Variants in SLC22A9 observed in about 807,000 individuals in gnomAD.
SLC22A9 encodes the protein solute carrier family 22 member 9, also known as organic anion transporter 7.
In SLC22A9, 64 loss-of-function variants were observed where a neutral mutation model predicts 50.1. The ratio of observed to expected loss-of-function variants is 1.28; its 90% CI spans 1.04 to 1.57. The LOEUF is 1.57. Among genes scored for constraint, SLC22A9 ranks in the 40% most tolerant of loss-of-function variants. The pLI is 0.00. For synonymous variants in SLC22A9, 261 were observed against 242.5 expected, an observed-to-expected ratio of 1.08 and a Z score of -0.71; for missense variants, 757 against 676.1, an observed-to-expected ratio of 1.12 and a Z score of -1.33.
At chr11:63,380,385 A>G (rs981774123) in intron 5 of SLC22A9, among the ~76,000 whole-genome samples, 37 of 152,190 alleles carry the variant, frequency 2.4e-4, no homozygotes, top group African/African-American at 8.4e-4. Flanking sequence ...GCACATGCAT[A>G]TGTAGGTTCA....
chr11:63,380,993 T>C (rs375341968), intron 5 of SLC22A9, among the ~76,000 whole-genome samples: 3 of 152,148 alleles, frequency 2.0e-5, no homozygotes, highest in East Asian at 1.9e-4. Flanking sequence ...TGAAATGCAA[T>C]TGAAGCTTGG....
chr11:63,396,432 T>C (rs569173873), intron 6 of SLC22A9, among the ~76,000 whole-genome samples: 1 of 152,238 alleles, frequency 6.6e-6, no homozygotes, highest in East Asian at 1.9e-4. Flanking sequence ...CCAGGTAAGG[T>C]CAGAAACTTC....
intron 7 of SLC22A9, 53 bp downstream of exon 7, chr11:63,406,764 G>T (rs1016985235): frequency 7.9e-5 from 124 of 1,567,274 alleles, no homozygotes; most frequent in Non-Finnish European, 9.4e-5. Context: ...CTTTTCTCAG[G>T]GATTGTACTT....
intron 6 of SLC22A9, among the ~76,000 whole-genome samples, chr11:63,397,985 T>C (rs1336295566): frequency 6.6e-6 from 1 of 152,154 alleles, no homozygotes; most frequent in Non-Finnish European, 1.5e-5. Flanking sequence ...GCTGGAAATA[T>C]GCCAGGTCCC....
intron 6 of SLC22A9, among the ~76,000 whole-genome samples, chr11:63,400,586 AT>A (rs2014935891): frequency 6.6e-6 from 1 of 152,138 alleles, no homozygotes; most frequent in Non-Finnish European, 1.5e-5. Context: ...TCTACCAAAC[AT>A]TTAAAGAACT....
At chr11:63,386,807 GTGT>G (rs999557348) in intron 6 of SLC22A9, among the ~76,000 whole-genome samples, 14 of 151,320 alleles carry the variant, frequency 9.3e-5, no homozygotes, top group East Asian at 3.9e-4. Flanking sequence ...GAAGGGTTTT[GTGT>G]TGTTGTTGTT....
Position 63,409,917 on chromosome 11 carries a change from A to T in SLC22A9, c.*55A>T. The T allele has an allele frequency of 6.3e-7, 1 of 1,592,182 alleles. No homozygotes were observed. Among genetic ancestry groups the T allele is most frequent in the Non-Finnish European group, 8.6e-7 (1 of 1,161,034 alleles). ...GAGCCAGATGAAGGGAACAATCAGG[A>T]CTATTCCTAGACACTAGCAAAATCT... On this transcript the variant is annotated 3_prime_UTR_variant, in exon 10 of 10. Coordinates refer to ENST00000279178, the MANE Select transcript of SLC22A9 (RefSeq NM_080866.3).
intron 6 of SLC22A9, among the ~76,000 whole-genome samples, chr11:63,385,754 CT>C (rs2014653472): frequency 6.6e-6 from 1 of 152,090 alleles, no homozygotes; most frequent in African/African-American, 2.4e-5. Context: ...GACAACTTGA[CT>C]TCCTCTCTTC....
At position 63,370,592 on chromosome 11, in the gene SLC22A9, CT is replaced by C. The variant is rs1264315836; in HGVS notation, c.402+137del. On this transcript the variant is annotated intron_variant, in intron 1 of 9. Coordinates refer to ENST00000279178, the MANE Select transcript of SLC22A9 (RefSeq NM_080866.3). Reference sequence around the variant, plus strand: ...TTCTTTCAGCAAATACTAATTGCTTCTTTATTAAATGTCTGACACCTACACA... The same window carrying C: ...TTCTTTCAGCAAATACTAATTGCTTCTTATTAAATGTCTGACACCTACACA... The C allele has an allele frequency of 3.9e-6, 4 of 1,038,418 alleles. No homozygotes were observed. The African/African-American group carries it at 4.8e-5, about 13-fold the overall frequency. The allele number at this position is 1,038,418 out of a possible 1,614,324, so 64.3% of individuals were successfully genotyped here.
At chr11:63,397,464 C>T (rs548616249) in intron 6 of SLC22A9, among the ~76,000 whole-genome samples, 65 of 152,276 alleles carry the variant, frequency 4.3e-4, no homozygotes, top group South Asian at 2.3e-3. Flanking sequence ...ATTCCCTTCA[C>T]GGTCACAAGT....
intron 6 of SLC22A9, among the ~76,000 whole-genome samples, chr11:63,401,662 C>T (rs993455276): frequency 7.9e-5 from 12 of 151,966 alleles, no homozygotes; most frequent in South Asian, 4.2e-4. Flanking sequence ...ACCCATAAAG[C>T]GAAAGAAATC....
chr11:63,401,170 AAAAAAT>A (rs2014946534), intron 6 of SLC22A9, among the ~76,000 whole-genome samples: 2 of 152,070 alleles, frequency 1.3e-5, no homozygotes, highest in African/African-American at 4.8e-5. Context: ...AGGCAAGAGA[AAAAAAT>A]AAAAGGAATC....
At chr11:63,372,402 A>G (rs984509653) in intron 2 of SLC22A9, among the ~76,000 whole-genome samples, 3 of 152,198 alleles carry the variant, frequency 2.0e-5, no homozygotes, top group African/African-American at 7.2e-5. Context: ...AGCAAAGGGA[A>G]TGAATAAAGT....
intron 6 of SLC22A9, among the ~76,000 whole-genome samples, chr11:63,393,474 G>A (rs1407362718): frequency 3.9e-5 from 6 of 151,992 alleles, no homozygotes; most frequent in Non-Finnish European, 5.9e-5. Flanking sequence ...GAAGAGGAGT[G>A]GTGAGAGTGG....
At chr11:63,374,522 T>A (rs1199153466) in intron 4 of SLC22A9, among the ~76,000 whole-genome samples, 1 of 152,146 alleles carries the variant, frequency 6.6e-6, no homozygotes, top group Non-Finnish European at 1.5e-5. Context: ...TTCAAATGCA[T>A]CCATGCCACT....
chr11:63,387,564 A>G (rs1327716545), intron 6 of SLC22A9, among the ~76,000 whole-genome samples: 4 of 152,132 alleles, frequency 2.6e-5, no homozygotes, highest in Non-Finnish European at 5.9e-5. Flanking sequence ...GCTCTGTAGT[A>G]TAATTTGAAG....
chr11:63,407,283 G>A (rs941991479), intron 7 of SLC22A9, among the ~76,000 whole-genome samples: 2 of 152,184 alleles, frequency 1.3e-5, no homozygotes, highest in African/African-American at 4.8e-5. Context: ...GAAATTGTCA[G>A]TTAATAGCCT....
At chr11:63,409,022 G>T (rs11231455) in intron 9 of SLC22A9, 143 bp downstream of exon 9, 1 of 865,452 alleles carries the variant, frequency 1.2e-6, no homozygotes, top group Non-Finnish European at 1.9e-6. Flanking sequence ...CTTAGGTCTA[G>T]GTACAGCCAC....
intron 2 of SLC22A9, 68 bp downstream of exon 2, chr11:63,371,306 C>G (rs759283463): frequency 1.3e-5 from 16 of 1,229,146 alleles, no homozygotes; most frequent in Non-Finnish European, 1.9e-5. Flanking sequence ...ATTATTTCAT[C>G]TAGAATTACT....
Sources: gnomAD v4.1 joint callset for allele counts (sites outside exome capture counted in the v4.1 genomes callset) on GRCh38, gnomAD v4.1.1 for gene constraint, MANE v1.5 for transcripts, NCBI Gene and HGNC (gene_info 2026-07-23, HGNC 2026-07-21) for gene names.